Variants in TTC19 observed in about 807,000 individuals in gnomAD.
TTC19 encodes the protein tetratricopeptide repeat protein 19, mitochondrial.
TTC19 carries 38 observed loss-of-function variants against 49.5 expected under a neutral mutation model. The ratio of observed to expected loss-of-function variants is 0.77; its 90% CI spans 0.59 to 1.01. The LOEUF (loss-of-function observed/expected upper bound fraction) is 1.01, where lower values mean the gene tolerates loss of function less well. TTC19 is among the 50% of genes least tolerant of loss of function. The probability of loss-of-function intolerance (pLI) is 0.00; values close to 1 mark genes in which losing one functional copy is unlikely to be tolerated. For missense variants in TTC19, 475 were observed against 477.7 expected, an observed-to-expected ratio of 0.99 and a Z score of 0.05; for synonymous variants, 204 against 185.2, an observed-to-expected ratio of 1.10 and a Z score of -0.83.
chr17:16,039,784 CCA>C (rs978819892), intron 2 of TTC19: 7 of 788,654 alleles, frequency 8.9e-6, no homozygotes, highest in Non-Finnish European at 1.4e-5. Context: ...CCAGGACCCA[CCA>C]CACAGAGACC....
At chr17:16,005,172 G>A (rs953568737) in intron 6 of TTC19, among the ~76,000 whole-genome samples, 2 of 152,206 alleles carry the variant, frequency 1.3e-5, no homozygotes, top group African/African-American at 2.4e-5. Flanking sequence ...ATGGTACTCT[G>A]TACTTTTCAT....
rs957919346 is a variant in TTC19 at position 16,044,467 on chromosome 17, A to G, written c.248-36A>G. On this transcript the variant is annotated intron_variant, in intron 2 of 2. Transcript: ENST00000470649. Reference sequence around the variant, plus strand: ...CAGGATCAGGAGACTAGTAGATGGTAGATCACAGAAATAAAGCAGATCGTC... The same window carrying G: ...CAGGATCAGGAGACTAGTAGATGGTGGATCACAGAAATAAAGCAGATCGTC... 5 of 473,106 alleles carry G rather than the reference A, an allele frequency of 1.1e-5. No homozygotes were observed. In the Middle Eastern group the frequency reaches 9.7e-4, roughly 91 times the overall value. 29.3% of individuals were successfully genotyped at this position (473,106 alleles called of 1,614,324 possible). A position where few individuals can be genotyped will look rare whatever the true frequency, so the allele number is the denominator to read the frequency against.
At chr17:16,015,939 T>C (rs1971201021) in intron 7 of TTC19, among the ~76,000 whole-genome samples, 1 of 152,182 alleles carries the variant, frequency 6.6e-6, no homozygotes, top group Non-Finnish European at 1.5e-5. Context: ...AGTTTCTCCT[T>C]GGTTTTTGTT....
intron 2 of TTC19, among the ~76,000 whole-genome samples, chr17:16,035,916 G>A (rs1019777203): frequency 6.6e-6 from 1 of 152,062 alleles, no homozygotes; most frequent in Non-Finnish European, 1.5e-5. Flanking sequence ...TTATCCATGG[G>A]AGCTGGAATC....
At position 15,999,942 on chromosome 17, in the gene TTC19, C is replaced by A. The variant is rs1270058730; in HGVS notation, c.94C>A (p.Leu32Met). 1 of 1,331,888 alleles carries A rather than the reference C, an allele frequency of 7.5e-7. No homozygotes were observed. Among genetic ancestry groups the A allele is most frequent in the Admixed American group, 4.1e-5 (1 of 24,606 alleles). 82.5% of individuals were successfully genotyped at this position (1,331,888 alleles called of 1,614,324 possible). ...CTGCTCCGCGCGCCTGCTCCCGGGG[C>A]TGGCAGGAGGTCCGGGGCCCGAGGT... ...RGCSARLLPG[L>M]AGGPGPEVQV... Residue 32 changes from leucine to methionine, a missense_variant, in exon 1 of 10, where the codon CTG (leucine) becomes ATG (methionine). Physicochemically the swap from Leu to Met is conservative, Grantham distance 15. Coordinates refer to ENST00000261647, the MANE Select transcript of TTC19 (RefSeq NM_017775.4).
chr17:16,006,570 T>C lies in TTC19; in HGVS notation c.676+2T>C. Reference sequence around the variant, plus strand: ...AATTAGCAGAAGACATTATGTCAGGTAGGAAACCCATTATCTGGGCATTGC... The same window carrying C: ...AATTAGCAGAAGACATTATGTCAGGCAGGAAACCCATTATCTGGGCATTGC... On this transcript the variant is annotated splice_donor_variant, in intron 7 of 9. Transcript: ENST00000261647. LOFTEE classifies it high-confidence loss of function. 6.3e-7 allele frequency: 1 copy of C among 1,590,540 alleles called. No individual in the cohort carries two copies.
chr17:16,003,699 A>T (rs965000282), intron 4 of TTC19, 132 bp from the exon 5 acceptor site: 3 of 788,776 alleles, frequency 3.8e-6, no homozygotes, highest in Admixed American at 4.4e-5. Flanking sequence ...TCTGTGTGTG[A>T]GTGTGCGTGT....
chr17:16,040,353 G>GTA (rs1383093197), intron 2 of TTC19: 1 of 1,060,326 alleles, frequency 9.4e-7, no homozygotes, highest in Non-Finnish European at 1.5e-6. Context: ...CACTCCCCTG[G>GTA]TATACAGTTG....
chr17:16,011,334 C>T (rs1179034356), intron 7 of TTC19, among the ~76,000 whole-genome samples: 3 of 152,200 alleles, frequency 2.0e-5, no homozygotes, highest in Non-Finnish European at 4.4e-5. Context: ...GCGTGAGCTA[C>T]CACACCCGGC....
At chr17:16,035,294 A>G (rs1278762608) in intron 2 of TTC19, among the ~76,000 whole-genome samples, 1 of 152,202 alleles carries the variant, frequency 6.6e-6, no homozygotes, top group Non-Finnish European at 1.5e-5. Context: ...AGAACTTTCA[A>G]AATTGGAGTT....
chr17:16,031,854 A>C (rs1049527042), downstream of TTC19: 14 of 233,710 alleles, frequency 6.0e-5, no homozygotes, highest in African/African-American at 8.8e-5. Context: ...GGTTAAAAAG[A>C]TAGATAGACA....
Position 16,000,115 on chromosome 17 carries a change from C to T in TTC19, c.185-3C>T. 6.5e-7 allele frequency: 1 copy of T among 1,547,392 alleles called. No individual in the cohort carries two copies. The highest frequency in any genetic ancestry group is 8.7e-7 in the Non-Finnish European group (1 of 1,154,372). ...CCGATGACCTCAGAGCCCCTTCCCG[C>T]AGCGCTCGCCTGGTTCTCGAGGCCC... is the stretch of plus-strand genomic sequence containing the variant. On this transcript the variant is annotated splice_region_variant and splice_polypyrimidine_tract_variant and intron_variant, in intron 1 of 9. Transcript: ENST00000261647.
At chr17:16,002,539 C>A (rs528954529) in intron 3 of TTC19, 4 of 517,552 alleles carry the variant, frequency 7.7e-6, no homozygotes, top group South Asian at 2.1e-5. Flanking sequence ...CCAAAAAAAA[C>A]CAGTATCATT....
At chr17:16,006,391 C>G in intron 6 of TTC19, 83 bp from the exon 7 acceptor site, 4 of 1,032,282 alleles carry the variant, frequency 3.9e-6, no homozygotes, top group Non-Finnish European at 4.6e-6. Context: ...GCCTGGGCAA[C>G]AAGAGCGAAA....
At chr17:16,042,757 G>A (rs149643371) in intron 2 of TTC19, among the ~76,000 whole-genome samples, 1 of 152,314 alleles carries the variant, frequency 6.6e-6, no homozygotes, top group African/African-American at 2.4e-5. Context: ...CTGTGGTAGG[G>A]AAGGAGGAGG....
rs1282421008 is a variant in TTC19, at chr17:15,999,894, G to A, written c.46G>A (p.Ala16Thr). The A allele has an allele frequency of 7.1e-7, 1 of 1,400,562 alleles. No homozygotes were observed. The highest frequency in any genetic ancestry group is 2.9e-5 in the East Asian group (1 of 34,064). The allele number at this position is 1,400,562 out of a possible 1,614,324, so 86.8% of individuals were successfully genotyped here. ...SWSLGRGFLR[A>T]AGRRCRGCSA... ...GAGCCTGGGCCGAGGCTTCCTGCGG[G>A]CCGCGGGGCGGCGGTGCCGGGGCTG... The change falls in exon 1 of 10, where the codon GCC (alanine) becomes ACC (threonine). Residue 16 changes from alanine (A) to threonine (T), a missense_variant. By Grantham distance (58) the Ala-to-Thr change is moderately conservative. Transcript: ENST00000261647.
Position 16,041,675 on chromosome 17 carries a change from A to C in TTC19, c.248-2828A>C, listed in dbSNP as rs948200794. ...GGTGATCTACCCACCTCAGCCTCCT[A>C]AAGTGCTGGGATTACAGGCATGGGC... is the stretch of plus-strand genomic sequence containing the variant. On this transcript the variant is annotated intron_variant, in intron 2 of 2. Coordinates refer to the TTC19 transcript ENST00000470649. Among the ~76,000 whole-genome samples the C allele has an allele frequency of 5.3e-5, 8 of 152,122 alleles. No homozygotes were observed. The East Asian group carries it at 1.5e-3, about 29-fold the overall frequency.
At position 16,000,111 on chromosome 17, in the gene TTC19, C is replaced by T. The variant is rs749865615; in HGVS notation, c.185-7C>T. ...GGGCCCGATGACCTCAGAGCCCCTT[C>T]CCGCAGCGCTCGCCTGGTTCTCGAG... On this transcript the variant is annotated splice_region_variant and splice_polypyrimidine_tract_variant and intron_variant, in intron 1 of 9. Coordinates refer to ENST00000261647, the MANE Select transcript of TTC19 (RefSeq NM_017775.4). 1.9e-6 allele frequency: 3 copies of T among 1,540,974 alleles called. No individual in the cohort carries two copies. The highest frequency in any genetic ancestry group is 1.4e-5 in the African/African-American group (1 of 73,434).
In TTC19 at chr17:16,018,747, A is replaced by G. The variant is rs969812375; in HGVS notation, c.677-6270A>G. On this transcript the variant is annotated intron_variant, in intron 7 of 9. Transcript: ENST00000261647. Reference sequence around the variant, plus strand: ...GGTCTTGAACTTCTGAGCTAAAGCAATCTACCTGCCTTGACCTCCCAAAAT... The same window carrying G: ...GGTCTTGAACTTCTGAGCTAAAGCAGTCTACCTGCCTTGACCTCCCAAAAT... 3.3e-5 allele frequency among the ~76,000 whole-genome samples: 5 copies of G among 152,286 alleles called. No homozygotes were observed. In the East Asian group the frequency reaches 5.8e-4, roughly 18 times the overall value.
Sources: gnomAD v4.1 joint callset for allele counts (sites outside exome capture counted in the v4.1 genomes callset) on GRCh38, gnomAD v4.1.1 for gene constraint, MANE v1.5 for transcripts, NCBI Gene and HGNC (gene_info 2026-07-23, HGNC 2026-07-21) for gene names.